Variants in MED15 observed in about 807,000 individuals in gnomAD.
MED15 encodes the protein mediator of RNA polymerase II transcription subunit 15.
In MED15, 41 loss-of-function variants were observed where a neutral mutation model predicts 118.7. The observed-to-expected ratio is 0.35, with a 90% CI of 0.27 to 0.45. The LOEUF (loss-of-function observed/expected upper bound fraction) is 0.45, where lower values mean the gene tolerates loss of function less well. Ranked by LOEUF, MED15 falls within the 20% of genes least tolerant of loss-of-function variation. MED15 has a pLI of 1.00. For synonymous variants in MED15, 436 were observed against 413.9 expected (o/e 1.05, Z -0.65); for missense variants, 740 against 1,025.5 (o/e 0.72, Z 3.80).
At chr22:20,538,388 T>C (rs1475545458) in intron 2 of MED15, among the ~76,000 whole-genome samples, 2 of 152,044 alleles carry the variant, frequency 1.3e-5, no homozygotes, top group African/African-American at 4.8e-5. Context: ...TAGCTGGGAC[T>C]ACAGGCATGT....
Position 20,583,377 on chromosome 22 carries a change from A to T in MED15, c.1720A>T (p.Thr574Ser). ...SKMKSLLDIL[T>S]DPSKRCPLKT... Reference sequence around the variant, plus strand: ...GATGAAGAGCCTTCTGGACATTCTGACAGACCCCTCGAAGCGGTGAGCTTT... The same window carrying T: ...GATGAAGAGCCTTCTGGACATTCTGTCAGACCCCTCGAAGCGGTGAGCTTT... Residue 574 changes from threonine to serine, a missense_variant, in exon 13 of 18, where the codon ACA (threonine) becomes TCA (serine). This residue lies in a region of MED15 where 384 missense variants were observed against 506.3 expected (regional missense o/e 0.76). Coordinates refer to ENST00000263205, the MANE Select transcript of MED15 (RefSeq NM_001003891.3). The T allele has an allele frequency of 6.2e-7, 1 of 1,612,002 alleles. No homozygotes were observed. The highest frequency in any genetic ancestry group is 8.5e-7 in the Non-Finnish European group (1 of 1,180,016).
intron 9 of MED15, chr22:20,581,793 A>G (rs2056991500): frequency 6.6e-6 from 1 of 152,336 alleles, no homozygotes; most frequent in South Asian, 2.1e-4. Context: ...GGATGAAGAC[A>G]GTGGTGTCCC....
At chr22:20,554,591 C>T in intron 4 of MED15, 1 of 203,596 alleles carries the variant, frequency 4.9e-6, no homozygotes, top group Non-Finnish European at 9.8e-6. Flanking sequence ...GCTCACCCAG[C>T]AGGAGGGCTG....
Position 20,586,883 on chromosome 22 carries a change from C to G in MED15, c.*179C>G. 1.0e-5 allele frequency: 10 copies of G among 974,084 alleles called. No homozygotes were observed. In the South Asian group the frequency reaches 1.8e-4, roughly 18 times the overall value. 60.3% of individuals were successfully genotyped at this position (974,084 alleles called of 1,614,324 possible). A position where few individuals can be genotyped will look rare whatever the true frequency, so the allele number is the denominator to read the frequency against. ...CACACCTGTACAGAACTGGGATAGG[C>G]GCAGTGGAGCGGGTTGCTTGGGGGG... On this transcript the variant is annotated 3_prime_UTR_variant, in exon 18 of 18. Coordinates refer to ENST00000263205, the MANE Select transcript of MED15 (RefSeq NM_001003891.3).
At chr22:20,518,108 C>T (rs77161995) in intron 1 of MED15, among the ~76,000 whole-genome samples, 3 of 82,934 alleles carry the variant, frequency 3.6e-5, no homozygotes, top group South Asian at 3.6e-4. Context: ...GCGTCAACAT[C>T]GACAAGCGCT....
intron 5 of MED15, among the ~76,000 whole-genome samples, chr22:20,556,375 C>G (rs927009647): frequency 7.3e-5 from 11 of 150,702 alleles, no homozygotes; most frequent in African/African-American, 2.7e-4. Flanking sequence ...GATCTCAGCT[C>G]ACTGCAACTT....
chr22:20,580,984 A>T (rs1255947719), intron 9 of MED15, among the ~76,000 whole-genome samples: 1 of 152,156 alleles, frequency 6.6e-6, no homozygotes, highest in African/African-American at 2.4e-5. Flanking sequence ...TCCCAGGCAG[A>T]GGTGTCTTGA....
intron 9 of MED15, chr22:20,582,212 G>C (rs967457648): frequency 2.0e-5 from 6 of 297,642 alleles, no homozygotes; most frequent in African/African-American, 1.4e-4. Context: ...CTGGTCAGCA[G>C]AGCAGGGTCC....
chr22:20,556,077 T>C (rs1459984651), intron 5 of MED15, among the ~76,000 whole-genome samples: 1 of 152,208 alleles, frequency 6.6e-6, no homozygotes, highest in Non-Finnish European at 1.5e-5. Flanking sequence ...TAGAGTGTGC[T>C]GTGCCCACTG....
chr22:20,561,196 T>C (rs989029766), intron 5 of MED15, among the ~76,000 whole-genome samples: 13 of 151,732 alleles, frequency 8.6e-5, no homozygotes, highest in African/African-American at 3.2e-4. Flanking sequence ...CCAACAAAAA[T>C]GCAATCAAAA....
chr22:20,547,917 T>A (rs2055616175), intron 2 of MED15, among the ~76,000 whole-genome samples: 1 of 152,142 alleles, frequency 6.6e-6, no homozygotes, highest in Non-Finnish European at 1.5e-5. Flanking sequence ...GGAGGCTCAC[T>A]TGAGCCCAGG....
intron 14 of MED15, 112 bp from the exon 15 acceptor site, chr22:20,584,743 A>C: frequency 7.5e-7 from 1 of 1,332,652 alleles, no homozygotes; most frequent in Non-Finnish European, 1.0e-6. Flanking sequence ...GGAGGCTGTG[A>C]GAGAGGCCTC....
chr22:20,530,682 C>T (rs563716563), intron 1 of MED15, among the ~76,000 whole-genome samples: 9 of 152,168 alleles, frequency 5.9e-5, no homozygotes, highest in East Asian at 5.8e-4. Context: ...AGAGTCAGGG[C>T]GTGGAGCAGA....
At chr22:20,519,696 C>G (rs545703445) in intron 1 of MED15, among the ~76,000 whole-genome samples, 7 of 152,246 alleles carry the variant, frequency 4.6e-5, no homozygotes, top group Middle Eastern at 3.4e-3. Context: ...CTCAGGTGAT[C>G]TGCCTGCCGC....
In MED15 at chr22:20,586,576, C is replaced by G; in HGVS notation, c.2239C>G (p.Pro747Ala). 2 of 1,612,720 alleles carry G rather than the reference C, an allele frequency of 1.2e-6. No individual in the cohort carries two copies. Among genetic ancestry groups the G allele is most frequent in the Non-Finnish European group, 8.5e-7 (1 of 1,179,842 alleles). The change falls in exon 18 of 18, where the codon CCC (proline) becomes GCC (alanine). Residue 747 changes from proline to alanine, a missense_variant. By Grantham distance (27) the Pro-to-Ala change is conservative (BLOSUM62 -1). Coordinates refer to ENST00000263205, the MANE Select transcript of MED15 (RefSeq NM_001003891.3). ...CCACTGCTCTGTTGCAGACGCCAAC[C>G]CCTTCCTCCAGTCGGTGCACCGCTG... ...IDRQWQYDANPFLQSVHRCMT... is the reference protein window; with the variant it reads ...IDRQWQYDANAFLQSVHRCMT...
intron 2 of MED15, among the ~76,000 whole-genome samples, chr22:20,550,178 C>T (rs1032800734): frequency 2.6e-5 from 4 of 152,152 alleles, no homozygotes; most frequent in African/African-American, 9.7e-5. Context: ...CCCCCATTCT[C>T]ATACCACTGT....
rs962651095 is a variant in MED15, at chr22:20,560,725, A to G, written c.452-3725A>G. Among the ~76,000 whole-genome samples, 5 of 152,204 alleles carry G rather than the reference A, an allele frequency of 3.3e-5. No individual in the cohort carries two copies. In the East Asian group the frequency reaches 9.6e-4, roughly 29 times the overall value. On this transcript the variant is annotated intron_variant, in intron 5 of 17. Coordinates refer to ENST00000263205, the MANE Select transcript of MED15 (RefSeq NM_001003891.3). ...GGACTATTTTGAGTGTTTTACTTAC[A>G]TAATAGATTATTTAATTCTTAGTCC...
intron 13 of MED15, 114 bp from the exon 14 acceptor site, chr22:20,584,245 A>C: frequency 2.8e-5 from 28 of 990,786 alleles, no homozygotes; most frequent in Non-Finnish European, 4.1e-5. Context: ...GTCAACTGGT[A>C]GGAGCTCCTG....
chr22:20,537,726 A>G (rs2055136333), intron 2 of MED15, among the ~76,000 whole-genome samples: 1 of 152,244 alleles, frequency 6.6e-6, no homozygotes. Context: ...GTGGGGCACC[A>G]CACTGAGGGC....
Sources: gnomAD v4.1 joint callset for allele counts (sites outside exome capture counted in the v4.1 genomes callset) on GRCh38, gnomAD v4.1.1 for gene constraint, gnomAD v4.1.1 regional missense constraint, MANE v1.5 for transcripts, NCBI Gene and HGNC (gene_info 2026-07-23, HGNC 2026-07-21) for gene names.